ZNF148: variants seen among roughly 807,000 people sequenced by gnomAD.
ZNF148 encodes the protein Beta-Enolase Repressor Factor-1.
ZNF148 carries 7 observed loss-of-function variants against 67.7 expected under a neutral mutation model. The ratio of observed to expected loss-of-function variants is 0.10; its 90% CI spans 0.06 to 0.19. The LOEUF is 0.19. Ranked by LOEUF, ZNF148 falls within the 10% of genes least tolerant of loss-of-function variation. The pLI is 1.00. For missense variants in ZNF148, 583 were observed against 947.1 expected, an observed-to-expected ratio of 0.62 and a Z score of 5.05; for synonymous variants, 333 against 330.7, an observed-to-expected ratio of 1.01 and a Z score of -0.08.
chr3:125,275,358 G>C (rs1243656216), intron 7 of ZNF148, among the ~76,000 whole-genome samples: 1 of 152,110 alleles, frequency 6.6e-6, no homozygotes, highest in Non-Finnish European at 1.5e-5. Context: ...ATACCTATAG[G>C]AAGGCTAAGC....
intron 3 of ZNF148, among the ~76,000 whole-genome samples, chr3:125,313,973 A>G (rs1940359581): frequency 6.6e-6 from 1 of 152,108 alleles, no homozygotes; most frequent in South Asian, 2.1e-4. Flanking sequence ...TAATATATTA[A>G]TAATATATTG....
intron 1 of ZNF148, among the ~76,000 whole-genome samples, 162 bp from the exon 2 acceptor site, chr3:125,331,400 CTT>C (rs1941286042): frequency 2.0e-5 from 3 of 152,332 alleles, no homozygotes; most frequent in Middle Eastern, 3.4e-3. Flanking sequence ...ACAACTAACA[CTT>C]AGTCTGAGTG....
At chr3:125,316,766 T>C (rs1022337538) in intron 3 of ZNF148, among the ~76,000 whole-genome samples, 2 of 152,198 alleles carry the variant, frequency 1.3e-5, no homozygotes, top group African/African-American at 4.8e-5. Context: ...GTCAGATGGG[T>C]AGTTTGCAAA....
chr3:125,248,515 C>G (rs1270519674), intron 7 of ZNF148, among the ~76,000 whole-genome samples: 2 of 152,130 alleles, frequency 1.3e-5, no homozygotes, highest in Non-Finnish European at 2.9e-5. Flanking sequence ...AAAAAATTAA[C>G]TAGGGTATAA....
intron 4 of ZNF148, among the ~76,000 whole-genome samples, chr3:125,302,177 G>A (rs1939627637): frequency 6.6e-6 from 1 of 151,948 alleles, no homozygotes; most frequent in Non-Finnish European, 1.5e-5. Context: ...AGGAGTTCAA[G>A]AGCAGTCTGG....
intron 7 of ZNF148, among the ~76,000 whole-genome samples, chr3:125,253,408 T>A (rs2107552364): frequency 6.6e-6 from 1 of 152,328 alleles, no homozygotes; most frequent in East Asian, 1.9e-4. Context: ...AAATAATTTG[T>A]GAGTGATAGT....
At position 125,299,516 on chromosome 3, in the gene ZNF148, T is replaced by A. The variant is rs546884503; in HGVS notation, c.334-11288A>T. Among the ~76,000 whole-genome samples, 62 of 152,066 alleles carry A rather than the reference T, an allele frequency of 4.1e-4. No individual in the cohort carries two copies. In the South Asian group the frequency reaches 0.013, roughly 31 times the overall value. ...TCCATCTCTGTAAAAAATTTAAAAA[T>A]AAAAATAATAAAGTCATCTATAAAG... On this transcript the variant is annotated intron_variant, in intron 4 of 8. Coordinates refer to ENST00000360647, the MANE Select transcript of ZNF148 (RefSeq NM_021964.3).
intron 1 of ZNF148, among the ~76,000 whole-genome samples, chr3:125,340,072 A>G (rs1941650491): frequency 6.6e-6 from 1 of 152,208 alleles, no homozygotes; most frequent in South Asian, 2.1e-4. Context: ...AAGGTGGTAA[A>G]AAGGCAGTAA....
At chr3:125,365,500 C>T (rs913965465) in intron 1 of ZNF148, among the ~76,000 whole-genome samples, 1 of 152,152 alleles carries the variant, frequency 6.6e-6, no homozygotes, top group Non-Finnish European at 1.5e-5. Flanking sequence ...TCAGCTGCTG[C>T]CATTTGAATA....
intron 4 of ZNF148, among the ~76,000 whole-genome samples, chr3:125,304,388 T>G (rs7652521): frequency 0.023 from 3,430 of 152,214 alleles, 130 homozygotes; most frequent in African/African-American, 0.077. Flanking sequence ...CAGTGCAATG[T>G]ATCTAAGTAA....
At chr3:125,249,019 G>A (rs951704830) in intron 7 of ZNF148, among the ~76,000 whole-genome samples, 1 of 151,776 alleles carries the variant, frequency 6.6e-6, no homozygotes, top group Non-Finnish European at 1.5e-5. Flanking sequence ...CACCATACAC[G>A]AAAAAACAAC....
chr3:125,368,941 T>A (rs1345862123), intron 1 of ZNF148, among the ~76,000 whole-genome samples: 2 of 89,156 alleles, frequency 2.2e-5, no homozygotes, highest in Non-Finnish European at 4.4e-5. Flanking sequence ...AGAGGCTCCA[T>A]CTCAAAAAAC....
At chr3:125,305,531 GC>G (rs1179917219) in intron 4 of ZNF148, among the ~76,000 whole-genome samples, 1 of 152,120 alleles carries the variant, frequency 6.6e-6, no homozygotes, top group African/African-American at 2.4e-5. Flanking sequence ...ACAATTAGTG[GC>G]CGGGCGTTGT....
At position 125,264,043 on chromosome 3, in the gene ZNF148, G is replaced by A. The variant is rs537166003; in HGVS notation, c.667+13683C>T. Among the ~76,000 whole-genome samples, 5 of 152,338 alleles carry A rather than the reference G, an allele frequency of 3.3e-5. No individual in the cohort carries two copies. The East Asian group carries it at 9.6e-4, about 29-fold the overall frequency. ...TCTGGGTTGGTGAACACATCCAAGT[G>A]CCAGGATGGTGGCACACCCTAAATC... is the stretch of plus-strand genomic sequence containing the variant. On this transcript the variant is annotated intron_variant, in intron 7 of 8. Coordinates refer to ENST00000360647, the MANE Select transcript of ZNF148 (RefSeq NM_021964.3).
intron 2 of ZNF148, among the ~76,000 whole-genome samples, chr3:125,330,465 CA>C (rs200643048): frequency 0.01 from 1,196 of 118,326 alleles, 8 homozygotes; most frequent in African/African-American, 0.034. Flanking sequence ...AACCCTATCT[CA>C]AAAAAAAAAA....
chr3:125,307,389 C>T (rs1438416243), intron 4 of ZNF148, among the ~76,000 whole-genome samples: 10 of 151,674 alleles, frequency 6.6e-5, no homozygotes, highest in South Asian at 2.1e-4. Flanking sequence ...CTGCAAGCTC[C>T]GCCTCCCGCA....
chr3:125,291,984 ACTGT>A (rs1939041564), intron 4 of ZNF148, among the ~76,000 whole-genome samples: 1 of 152,322 alleles, frequency 6.6e-6, no homozygotes, highest in African/African-American at 2.4e-5. Context: ...CTGTAAACGT[ACTGT>A]CTAACGAATG....
intron 3 of ZNF148, among the ~76,000 whole-genome samples, chr3:125,316,699 AT>A (rs201386999): frequency 1.3e-5 from 2 of 151,812 alleles, no homozygotes; most frequent in East Asian, 1.9e-4. Flanking sequence ...GAATTACTAG[AT>A]TTTTTTTCCT....
intron 7 of ZNF148, among the ~76,000 whole-genome samples, chr3:125,235,735 T>C: frequency 6.6e-6 from 1 of 151,658 alleles, no homozygotes; most frequent in Non-Finnish European, 1.5e-5. Context: ...ATTAAGAAAA[T>C]GTGGCACATA....
Sources: allele counts gnomAD v4.1 joint callset (sites outside exome capture counted in the v4.1 genomes callset), GRCh38; gene constraint gnomAD v4.1.1; transcripts MANE v1.5; gene names NCBI Gene and HGNC (gene_info 2026-07-23, HGNC 2026-07-21).